The following RPS6KA2 variants were observed in gnomAD, a reference collection of about 807,000 sequenced individuals.
The protein encoded by RPS6KA2 is ribosomal protein S6 kinase A2, also known as ribosomal protein S6 kinase alpha-2.
A neutral mutation model predicts 91.8 loss-of-function variants in RPS6KA2; 42 were observed. That is an observed-to-expected ratio of 0.46 (90% CI 0.36 to 0.59). The LOEUF is 0.59. Among genes scored for constraint, RPS6KA2 ranks in the 20% least tolerant of loss-of-function variants. The probability of loss-of-function intolerance (pLI) is 0.00; values close to 1 mark genes in which losing one functional copy is unlikely to be tolerated. For synonymous variants in RPS6KA2, 414 were observed against 393.6 expected (o/e 1.05, Z -0.61); for missense variants, 798 against 978.5 (o/e 0.82, Z 2.46).
chr6:166,744,258 G>A (rs768917761), intron 2 of RPS6KA2, among the ~76,000 whole-genome samples: 1 of 152,258 alleles, frequency 6.6e-6, no homozygotes, highest in Admixed American at 6.5e-5. Context: ...TGGCCTCTGG[G>A]GGCTGGTGGC....
At chr6:166,608,308 T>C (rs959421707) in intron 1 of RPS6KA2, among the ~76,000 whole-genome samples, 2 of 152,230 alleles carry the variant, frequency 1.3e-5, no homozygotes, top group Non-Finnish European at 1.5e-5. Flanking sequence ...TCTTAGCCAC[T>C]GTATAGAACA....
chr6:166,556,379 CT>C, intron 1 of RPS6KA2, among the ~76,000 whole-genome samples: 1 of 152,316 alleles, frequency 6.6e-6, no homozygotes, highest in East Asian at 1.9e-4. Flanking sequence ...ACTTTTCCCC[CT>C]ACTACCTGAC....
At chr6:166,848,447 C>T (rs1780659000) in intron 2 of RPS6KA2, among the ~76,000 whole-genome samples, 1 of 152,186 alleles carries the variant, frequency 6.6e-6, no homozygotes, top group African/African-American at 2.4e-5. Context: ...CCAAAAAATA[C>T]CCGCACATGC....
At chr6:166,544,916 G>A (rs140878609) in intron 1 of RPS6KA2, among the ~76,000 whole-genome samples, 264 of 152,278 alleles carry the variant, frequency 1.7e-3, no homozygotes, top group African/African-American at 4.5e-3. Flanking sequence ...ACAGCAGAAC[G>A]AGTACCCTCA....
At chr6:166,480,522 T>A (rs760672) in intron 10 of RPS6KA2, among the ~76,000 whole-genome samples, 20,404 of 118,438 alleles carry the variant, frequency 0.17, 3,364 homozygotes, top group African/African-American at 0.43. Flanking sequence ...TATAATATAT[T>A]TTTTTTTTTT....
chr6:166,755,849 G>T (rs1348298255), intron 2 of RPS6KA2, among the ~76,000 whole-genome samples: 1 of 152,156 alleles, frequency 6.6e-6, no homozygotes, highest in Non-Finnish European at 1.5e-5. Context: ...GGCTGAGCTG[G>T]GTAAGGAGCT....
chr6:166,853,798 G>C (rs1780813351), intron 2 of RPS6KA2, among the ~76,000 whole-genome samples: 1 of 152,242 alleles, frequency 6.6e-6, no homozygotes. Context: ...CCACGAGCTT[G>C]TTTCCTGCAC....
intron 2 of RPS6KA2, among the ~76,000 whole-genome samples, chr6:166,746,389 C>T (rs1791014195): frequency 6.6e-6 from 1 of 152,190 alleles, no homozygotes; most frequent in South Asian, 2.1e-4. Context: ...CACTCTGACA[C>T]CATATGTTGG....
At chr6:166,804,221 G>C (rs1409142641) in intron 2 of RPS6KA2, among the ~76,000 whole-genome samples, 1 of 151,994 alleles carries the variant, frequency 6.6e-6, no homozygotes, top group Admixed American at 6.6e-5. Flanking sequence ...AAAGCTTTCT[G>C]TCACAGATAA....
chr6:166,689,610 T>C (rs1562384787), intron 2 of RPS6KA2, among the ~76,000 whole-genome samples: 1 of 152,184 alleles, frequency 6.6e-6, no homozygotes, highest in Non-Finnish European at 1.5e-5. Flanking sequence ...TCAGAGGTGA[T>C]ACCCCCCAGG....
At position 166,855,201 on chromosome 6, in the gene RPS6KA2, G is replaced by A. The variant is rs180967537; in HGVS notation, c.123+2999C>T. Among the ~76,000 whole-genome samples the A allele has an allele frequency of 2.6e-5, 4 of 152,288 alleles. No homozygotes were observed. The East Asian group carries it at 5.8e-4, about 22-fold the overall frequency. On this transcript the variant is annotated intron_variant, in intron 2 of 21. Coordinates refer to the RPS6KA2 transcript ENST00000503859. ...AAGGTGGGAGCGTGGGAGTGGGGGC[G>A]AGGATGAAAAATCACATGTTGGGTT...
Position 166,554,944 on chromosome 6 carries a change from T to C in RPS6KA2, c.100-16160A>G, listed in dbSNP as rs1784135097. Reference sequence around the variant, plus strand: ...GATGACTTTAGGAAATTGTTGCTTCTATACTTTTTCTCTACAGAGCTAGAA... The same window carrying C: ...GATGACTTTAGGAAATTGTTGCTTCCATACTTTTTCTCTACAGAGCTAGAA... On this transcript the variant is annotated intron_variant, in intron 1 of 20. Coordinates refer to ENST00000265678, the MANE Select transcript of RPS6KA2 (RefSeq NM_021135.6). This position sits in a 1 kb window ranked among gnomAD's most constrained non-coding sequence, Gnocchi z 4.3. Among the ~76,000 whole-genome samples the C allele has an allele frequency of 6.6e-6, 1 of 152,246 alleles. No homozygotes were observed. Among genetic ancestry groups the C allele is most frequent in the Non-Finnish European group, 1.5e-5 (1 of 68,030 alleles).
At chr6:166,679,633 C>A (rs1300322754) in intron 2 of RPS6KA2, among the ~76,000 whole-genome samples, 1 of 152,232 alleles carries the variant, frequency 6.6e-6, no homozygotes, top group Non-Finnish European at 1.5e-5. Context: ...ACCTCCTCAA[C>A]CTGGCGGCGC....
chr6:166,778,935 C>A (rs1276353994), intron 2 of RPS6KA2, among the ~76,000 whole-genome samples: 7 of 152,248 alleles, frequency 4.6e-5, no homozygotes, highest in Non-Finnish European at 8.8e-5. Context: ...CACTGATGCT[C>A]TGATACACCC....
rs1372244609 is a variant in RPS6KA2, at chr6:166,603,042, G to C, written c.99+23879C>G. 2.0e-5 allele frequency among the ~76,000 whole-genome samples: 3 copies of C among 152,214 alleles called. No homozygotes were observed. The highest frequency in any genetic ancestry group is 2.0e-4 in the Admixed American group (3 of 15,284). On this transcript the variant is annotated intron_variant, in intron 1 of 20. Coordinates refer to ENST00000265678, the MANE Select transcript of RPS6KA2 (RefSeq NM_021135.6). This position sits in a 1 kb window ranked among gnomAD's most constrained non-coding sequence, Gnocchi z 4.3. ...CATTCTGCTTTCACCCTCTGGATGA[G>C]TTCATTCAAAGACTAAGAGACCTAA... is the stretch of plus-strand genomic sequence containing the variant.
intron 2 of RPS6KA2, among the ~76,000 whole-genome samples, chr6:166,646,149 G>T (rs1050647771): frequency 6.6e-6 from 1 of 152,126 alleles, no homozygotes; most frequent in African/African-American, 2.4e-5. Context: ...GGGGTGGCTT[G>T]GTTTCCTTAA....
chr6:166,510,183 C>T, intron 4 of RPS6KA2, 94 bp downstream of exon 4: 1 of 776,650 alleles, frequency 1.3e-6, no homozygotes, highest in Non-Finnish European at 2.2e-6. Flanking sequence ...GAAAGATTTT[C>T]TTCTTTCTGA....
At chr6:166,811,504 G>A (rs1779639322) in intron 2 of RPS6KA2, among the ~76,000 whole-genome samples, 1 of 152,192 alleles carries the variant, frequency 6.6e-6, no homozygotes, top group Non-Finnish European at 1.5e-5. Flanking sequence ...TGTGCCTGTA[G>A]TCCTAGCTGC....
intron 10 of RPS6KA2, chr6:166,475,755 T>C: frequency 1.9e-6 from 1 of 530,764 alleles, no homozygotes; most frequent in Non-Finnish European, 3.9e-6. Context: ...TCAGGGGATG[T>C]GGAGGTGGGA....
Sources: gnomAD v4.1 joint callset for allele counts (sites outside exome capture counted in the v4.1 genomes callset) on GRCh38, gnomAD v4.1.1 for gene constraint, Gnocchi (gnomAD v3.1) non-coding constraint, MANE v1.5 for transcripts, NCBI Gene and HGNC (gene_info 2026-07-23, HGNC 2026-07-21) for gene names.